The following TEAD1 variants were observed in gnomAD, a reference collection of about 807,000 sequenced individuals.
TEAD1 encodes TEA domain transcription factor 1.
TEAD1 carries 9 observed loss-of-function variants against 54.9 expected under a neutral mutation model. That is an observed-to-expected ratio of 0.16 (90% confidence interval 0.10 to 0.29). The LOEUF (loss-of-function observed/expected upper bound fraction) is 0.29. TEAD1 is among the 10% of genes least tolerant of loss of function. TEAD1 has a pLI of 1.00. For synonymous variants in TEAD1, 200 were observed against 187.8 expected, an observed-to-expected ratio of 1.07 and a Z score of -0.53; for missense variants, 387 against 535.9, an observed-to-expected ratio of 0.72 and a Z score of 2.74.
intron 3 of TEAD1, among the ~76,000 whole-genome samples, chr11:12,811,952 A>G (rs1590175034): frequency 6.6e-6 from 1 of 152,048 alleles, no homozygotes; most frequent in Admixed American, 6.5e-5. Flanking sequence ...CACCGGTAGG[A>G]CGTAGTCTCT....
At chr11:12,708,040 G>A (rs1034501502) in intron 2 of TEAD1, among the ~76,000 whole-genome samples, 2 of 151,730 alleles carry the variant, frequency 1.3e-5, no homozygotes, top group Admixed American at 6.6e-5. Flanking sequence ...TGTGCTGTTG[G>A]TGCTGGTTCT....
intron 10 of TEAD1, among the ~76,000 whole-genome samples, chr11:12,920,895 G>A (rs1029712613): frequency 1.1e-4 from 16 of 152,312 alleles, no homozygotes; most frequent in Admixed American, 7.2e-4. Context: ...CTGTGCCATA[G>A]AATAGTGTGC....
chr11:12,919,176 G>T (rs1163466265), intron 10 of TEAD1, among the ~76,000 whole-genome samples: 2 of 152,158 alleles, frequency 1.3e-5, no homozygotes, highest in Non-Finnish European at 2.9e-5. Flanking sequence ...TGGTTTCTGA[G>T]GGTAGGTTGG....
intron 2 of TEAD1, among the ~76,000 whole-genome samples, chr11:12,692,325 T>C (rs2133825715): frequency 6.6e-6 from 1 of 152,298 alleles, no homozygotes; most frequent in South Asian, 2.1e-4. Flanking sequence ...GCTTCAGTAA[T>C]ACTTTTTTGT....
chr11:12,727,329 A>T lies in TEAD1; in HGVS notation c.-54-36850A>T, dbSNP rs141611999. ...GGATGCTGGATGGAGAGACTGACGC[A>T]GGAGAGGCAGCTCCATTGTTGGAGT... On this transcript the variant is annotated intron_variant, in intron 2 of 12. Coordinates refer to ENST00000527636, the MANE Select transcript of TEAD1 (RefSeq NM_021961.6). 7.8e-3 allele frequency among the ~76,000 whole-genome samples: 1,189 copies of T among 152,314 alleles called. 20 individuals carry two copies. Among genetic ancestry groups the T allele is most frequent in the African/African-American group, 0.027 (1,136 of 41,576 alleles).
intron 10 of TEAD1, among the ~76,000 whole-genome samples, chr11:12,902,900 A>G (rs1445356954): frequency 2.0e-5 from 3 of 151,956 alleles, no homozygotes; most frequent in Non-Finnish European, 4.4e-5. Context: ...CTTCTCCTCC[A>G]TGAGACAATA....
At chr11:12,819,504 T>C (rs1010725825) in intron 3 of TEAD1, among the ~76,000 whole-genome samples, 15 of 152,028 alleles carry the variant, frequency 9.9e-5, no homozygotes, top group South Asian at 6.2e-4. Flanking sequence ...GGCTGGAGTG[T>C]AGTGGCGCGA....
rs1382479845 is a variant in TEAD1 at position 12,761,613 on chromosome 11, A to T, written c.-54-2566A>T. On this transcript the variant is annotated intron_variant, in intron 2 of 12. Transcript: ENST00000527636. Reference sequence around the variant, plus strand: ...GTAAGTCCACCTCTGAGTGCCATTTATTGGGGGCCACTAAATGCATTCATG... The same window carrying T: ...GTAAGTCCACCTCTGAGTGCCATTTTTTGGGGGCCACTAAATGCATTCATG... Among the ~76,000 whole-genome samples the T allele has an allele frequency of 4.6e-5, 7 of 152,176 alleles. No individual in the cohort carries two copies. In the East Asian group the frequency reaches 1.3e-3, roughly 29 times the overall value.
At chr11:12,883,174 T>A in intron 9 of TEAD1, 49 bp downstream of exon 9, 2 of 1,612,504 alleles carry the variant, frequency 1.2e-6, no homozygotes, top group Non-Finnish European at 1.7e-6. Flanking sequence ...TTCTTTCCCT[T>A]TACTGTTTAC....
intron 12 of TEAD1, among the ~76,000 whole-genome samples, chr11:12,930,970 A>G (rs1949002342): frequency 2.6e-5 from 4 of 152,232 alleles, no homozygotes; most frequent in Admixed American, 2.6e-4. Flanking sequence ...TTCATAGGCT[A>G]AAAAATCTGG....
intron 2 of TEAD1, among the ~76,000 whole-genome samples, chr11:12,692,615 C>T (rs182574014): frequency 6.6e-5 from 10 of 152,212 alleles, no homozygotes; most frequent in African/African-American, 2.2e-4. Context: ...CGCTTTCCTC[C>T]GTGGGCACTG....
At chr11:12,931,750 TA>T (rs1302415719) in intron 12 of TEAD1, among the ~76,000 whole-genome samples, 7 of 152,034 alleles carry the variant, frequency 4.6e-5, no homozygotes, top group African/African-American at 1.7e-4. Flanking sequence ...TATGAGCCAG[TA>T]GGAGCCAGCT....
chr11:12,856,619 C>CA lies in TEAD1; in HGVS notation c.203-5631_203-5630insA, dbSNP rs1351696742. ...GCGGGGTGGGGGGATATGTAGAAGACCCTTGTTTGATGTAGCTTTGGTCTA... is the reference window on the plus strand; with the variant it reads ...GCGGGGTGGGGGGATATGTAGAAGACACCTTGTTTGATGTAGCTTTGGTCTA... On this transcript the variant is annotated intron_variant, in intron 3 of 12. Transcript: ENST00000527636. 4.6e-5 allele frequency among the ~76,000 whole-genome samples: 7 copies of CA among 152,232 alleles called. No homozygotes were observed. In the East Asian group the frequency reaches 1.4e-3, roughly 29 times the overall value.
At chr11:12,911,270 AG>A (rs1948612760) in intron 10 of TEAD1, among the ~76,000 whole-genome samples, 1 of 152,252 alleles carries the variant, frequency 6.6e-6, no homozygotes, top group Non-Finnish European at 1.5e-5. Context: ...TTTAAAGAGA[AG>A]AAACTGGGCG....
chr11:12,911,063 C>G (rs1441617880), intron 10 of TEAD1, among the ~76,000 whole-genome samples: 1 of 152,098 alleles, frequency 6.6e-6, no homozygotes, highest in Non-Finnish European at 1.5e-5. Flanking sequence ...CTTTCTTAAC[C>G]TATTATTTTT....
chr11:12,858,820 A>G (rs904482868), intron 3 of TEAD1, among the ~76,000 whole-genome samples: 5 of 152,216 alleles, frequency 3.3e-5, no homozygotes, highest in Non-Finnish European at 5.9e-5. Context: ...ATACGTTCTG[A>G]GAAATACGTC....
intron 2 of TEAD1, among the ~76,000 whole-genome samples, chr11:12,711,759 A>G (rs1350307844): frequency 1.3e-5 from 2 of 152,236 alleles, no homozygotes; most frequent in South Asian, 2.1e-4. Flanking sequence ...GACTGATGTA[A>G]TAAAGGCAAA....
intron 10 of TEAD1, among the ~76,000 whole-genome samples, chr11:12,906,758 A>G (rs896971384): frequency 4.6e-5 from 7 of 152,134 alleles, no homozygotes; most frequent in African/African-American, 7.2e-5. Flanking sequence ...TGTTCTAGAC[A>G]TTTCATATGA....
chr11:12,700,638 T>C (rs1184207868), intron 2 of TEAD1, among the ~76,000 whole-genome samples: 1 of 152,234 alleles, frequency 6.6e-6, no homozygotes, highest in Non-Finnish European at 1.5e-5. Context: ...GAAATTATGC[T>C]TCTTAACTCT....
Sources: allele counts gnomAD v4.1 joint callset (sites outside exome capture counted in the v4.1 genomes callset), GRCh38; gene constraint gnomAD v4.1.1; transcripts MANE v1.5; gene names NCBI Gene and HGNC (gene_info 2026-07-23, HGNC 2026-07-21).